The following RSU1 variants were observed in gnomAD, a reference collection of about 807,000 sequenced individuals.
RSU1 encodes Ras suppressor protein 1, also known as rsu-1.
Under a neutral mutation model 31.1 loss-of-function variants are expected in RSU1, and 26 were observed. That is an observed-to-expected ratio of 0.84 (90% CI 0.61 to 1.16). The LOEUF is 1.16. Among genes scored for constraint, RSU1 ranks in the 50% most tolerant of loss-of-function variants. The pLI, the probability that RSU1 is intolerant of heterozygous loss-of-function variation, is 0.00. For missense variants in RSU1, 320 were observed against 339.1 expected (o/e 0.94, Z 0.44); for synonymous variants, 164 against 136.3 (o/e 1.20, Z -1.41).
At chr10:16,754,842 G>A (rs774508408) in intron 5 of RSU1, 29 bp downstream of exon 5, 8 of 1,387,962 alleles carry the variant, frequency 5.8e-6, no homozygotes, top group Non-Finnish European at 8.2e-6. Flanking sequence ...ACAAGGTTGA[G>A]GAGATTTATA....
chr10:16,764,472 C>A lies in RSU1; in HGVS notation c.199G>T (p.Val67Leu). 1 of 1,613,946 alleles carries A rather than the reference C, an allele frequency of 6.2e-7. No homozygotes were observed. The highest frequency in any genetic ancestry group is 8.5e-7 in the Non-Finnish European group (1 of 1,179,938). The change falls in exon 4 of 9, where the codon GTG becomes TTG. Residue 67 changes from valine (V) to leucine (L), a missense_variant. Transcript: ENST00000345264. ...ATTTGGTTATTAAAAAAGTTGAGCA[C>A]CTCCAAATTCTTCAGTTCTGCGATG... ...PNIAELKNLE[V>L]LNFFNNQIEE... is the part of the protein sequence containing the mutation.
chr10:16,737,757 G>GA (rs34578854), intron 7 of RSU1, among the ~76,000 whole-genome samples: 30,454 of 145,946 alleles, frequency 0.21, 3,204 homozygotes, highest in African/African-American at 0.25. Context: ...CTAACTTAAG[G>GA]AAAAAAAAAA....
At chr10:16,774,936 G>A (rs1489936191) in intron 3 of RSU1, among the ~76,000 whole-genome samples, 2 of 151,752 alleles carry the variant, frequency 1.3e-5, no homozygotes, top group Non-Finnish European at 2.9e-5. Context: ...AGGCGTGGTG[G>A]TGCACATCTA....
chr10:16,695,143 A>T lies in RSU1; in HGVS notation c.611T>A (p.Leu204Ter). The change falls in exon 8 of 9, where the codon TTA becomes TAA. Residue 204 changes from leucine (L) to a stop codon, truncating the protein, a stop_gained. Coordinates refer to ENST00000345264, the MANE Select transcript of RSU1 (RefSeq NM_012425.4). LOFTEE classifies it high-confidence loss of function. Reference sequence around the variant, plus strand: ...TTTGAATACCTGCTTCTGGCCAGTTAAATCCAAGTTTCCTGGGGGGGGGGA... The same window carrying T: ...TTTGAATACCTGCTTCTGGCCAGTTTAATCCAAGTTTCCTGGGGGGGGGGA... ...VLPPELGNLDLTGQKQVFKAE... is the reference protein window; with the variant it reads ...VLPPELGNLD The T allele has an allele frequency of 1.3e-5, 19 of 1,478,598 alleles. No individual in the cohort carries two copies. Among genetic ancestry groups the T allele is most frequent in the Non-Finnish European group, 1.7e-5 (19 of 1,092,336 alleles). 91.6% of individuals were successfully genotyped at this position (1,478,598 alleles called of 1,614,324 possible). A position where few individuals can be genotyped will look rare whatever the true frequency, so the allele number is the denominator to read the frequency against.
intron 7 of RSU1, among the ~76,000 whole-genome samples, chr10:16,739,763 C>T (rs1836715548): frequency 6.6e-6 from 1 of 152,076 alleles, no homozygotes; most frequent in African/African-American, 2.4e-5. Context: ...AGGTGTGCAC[C>T]ACCACACTCG....
chr10:16,601,486 C>A (rs1265244034), intron 8 of RSU1, among the ~76,000 whole-genome samples: 2 of 152,182 alleles, frequency 1.3e-5, no homozygotes, highest in African/African-American at 4.8e-5. Flanking sequence ...TCATTTATTT[C>A]CATCATCCAC....
At chr10:16,701,360 G>T (rs1174072393) in intron 7 of RSU1, among the ~76,000 whole-genome samples, 1 of 152,150 alleles carries the variant, frequency 6.6e-6, no homozygotes, top group Non-Finnish European at 1.5e-5. Context: ...GAGAATCTAG[G>T]TCTGAAGTTG....
chr10:16,727,313 C>T (rs953669516), intron 7 of RSU1, among the ~76,000 whole-genome samples: 1 of 152,166 alleles, frequency 6.6e-6, no homozygotes, highest in African/African-American at 2.4e-5. Context: ...CCCAATTCAA[C>T]TTTTATATCA....
At chr10:16,606,854 C>T (rs1833814431) in intron 8 of RSU1, among the ~76,000 whole-genome samples, 3 of 152,160 alleles carry the variant, frequency 2.0e-5, no homozygotes, top group Admixed American at 1.3e-4. Context: ...TTAGTATCAC[C>T]ACTGATATTC....
intron 7 of RSU1, among the ~76,000 whole-genome samples, chr10:16,698,372 A>C (rs1167545686): frequency 6.6e-6 from 1 of 152,130 alleles, no homozygotes; most frequent in Non-Finnish European, 1.5e-5. Context: ...TTCTGCGGGA[A>C]AGAAGCACTC....
intron 7 of RSU1, among the ~76,000 whole-genome samples, chr10:16,736,613 C>T (rs772844432): frequency 1.8e-4 from 27 of 151,960 alleles, no homozygotes; most frequent in Non-Finnish European, 2.6e-4. Context: ...TTAATGTCTA[C>T]GATACAGTAA....
intron 7 of RSU1, among the ~76,000 whole-genome samples, chr10:16,737,930 T>C (rs548173187): frequency 2.2e-4 from 34 of 152,312 alleles, no homozygotes; most frequent in African/African-American, 7.2e-4. Flanking sequence ...TAGAATTATA[T>C]AGACTATGAA....
chr10:16,796,410 T>C (rs2131666332), intron 2 of RSU1, among the ~76,000 whole-genome samples: 1 of 152,192 alleles, frequency 6.6e-6, no homozygotes, highest in South Asian at 2.1e-4. Context: ...CTCCAGTCCA[T>C]TCCCTCCACC....
chr10:16,761,082 G>A (rs573430684), intron 4 of RSU1, among the ~76,000 whole-genome samples: 6 of 152,114 alleles, frequency 3.9e-5, no homozygotes, highest in South Asian at 2.1e-4. Context: ...GAGTAGCTGC[G>A]ATCACAGGCA....
chr10:16,736,843 T>A (rs1836638211), intron 7 of RSU1, among the ~76,000 whole-genome samples: 1 of 151,732 alleles, frequency 6.6e-6, no homozygotes, highest in African/African-American at 2.4e-5. Context: ...AATTGAGAAA[T>A]GAAATTATAA....
rs1837584524 is a variant in RSU1, at chr10:16,778,493, A to C, written c.160+3541T>G. Among the ~76,000 whole-genome samples the C allele has an allele frequency of 2.0e-5, 3 of 152,222 alleles. No homozygotes were observed. In the South Asian group the frequency reaches 6.2e-4, roughly 32 times the overall value. On this transcript the variant is annotated intron_variant, in intron 3 of 8. Coordinates refer to ENST00000345264, the MANE Select transcript of RSU1 (RefSeq NM_012425.4). ...GCCCAGTCACAGGCATTCAGGAAGAATATGAAATGATCCATGCTTCCACAA... is the reference window on the plus strand; with the variant it reads ...GCCCAGTCACAGGCATTCAGGAAGACTATGAAATGATCCATGCTTCCACAA...
rs7075170 is a variant in RSU1 at position 16,691,090 on chromosome 10, T to A, written c.731+3933A>T. Among the ~76,000 whole-genome samples, 1,354 of 152,262 alleles carry A rather than the reference T, an allele frequency of 8.9e-3. 23 individuals carry two copies. Among genetic ancestry groups the A allele is most frequent in the African/African-American group, 0.03 (1,245 of 41,526 alleles). ...GCAATGAATGTGAAATTTGCTTTTT[T>A]AAAAAAACTATGAGTATCATGAATA... On this transcript the variant is annotated intron_variant, in intron 8 of 8. Coordinates refer to ENST00000345264, the MANE Select transcript of RSU1 (RefSeq NM_012425.4).
At chr10:16,793,381 CCT>C (rs923075543) in intron 2 of RSU1, among the ~76,000 whole-genome samples, 6 of 152,010 alleles carry the variant, frequency 3.9e-5, no homozygotes, top group Non-Finnish European at 5.9e-5. Context: ...AAAGATGGCC[CCT>C]GTTTCTACAC....
intron 7 of RSU1, among the ~76,000 whole-genome samples, chr10:16,743,872 T>C (rs1836797960): frequency 6.6e-6 from 1 of 152,210 alleles, no homozygotes; most frequent in Non-Finnish European, 1.5e-5. Context: ...GGCTGATTCC[T>C]GTAATCCTAA....
Sources: gnomAD v4.1 joint callset for allele counts (sites outside exome capture counted in the v4.1 genomes callset) on GRCh38, gnomAD v4.1.1 for gene constraint, MANE v1.5 for transcripts, NCBI Gene and HGNC (gene_info 2026-07-23, HGNC 2026-07-21) for gene names.